The following MTREX variants were observed in gnomAD, a reference collection of about 807,000 sequenced individuals.
MTREX encodes exosome RNA helicase MTR4.
A neutral mutation model predicts 135.4 loss-of-function variants in MTREX; 76 were observed. That is an observed-to-expected ratio of 0.56 (90% confidence interval 0.47 to 0.68). MTREX has a LOEUF of 0.68. Among genes scored for constraint, MTREX ranks in the 30% least tolerant of loss-of-function variants. The pLI is 0.00. For synonymous variants in MTREX, 404 were observed against 401.6 expected (o/e 1.01, Z -0.07); for missense variants, 920 against 1,262.1 (o/e 0.73, Z 4.11).
At chr5:55,382,633 T>G (rs1162380843) in intron 18 of MTREX, among the ~76,000 whole-genome samples, 2 of 152,120 alleles carry the variant, frequency 1.3e-5, no homozygotes, top group African/African-American at 4.8e-5. Flanking sequence ...TTTTTTTTTG[T>G]TTTTTTGTTT....
chr5:55,362,525 T>C (rs1387566325), intron 15 of MTREX, among the ~76,000 whole-genome samples: 1 of 152,018 alleles, frequency 6.6e-6, no homozygotes, highest in Non-Finnish European at 1.5e-5. Context: ...CATGCCCAGC[T>C]AATTTTTGTA....
At chr5:55,382,667 C>T (rs776809804) in intron 18 of MTREX, among the ~76,000 whole-genome samples, 1 of 151,596 alleles carries the variant, frequency 6.6e-6, no homozygotes, top group African/African-American at 2.4e-5. Flanking sequence ...CTCACTCTGT[C>T]GCCCAGGCAG....
At chr5:55,344,499 T>C (rs1447727418) in intron 8 of MTREX, 23 bp from the exon 9 acceptor site, 2 of 1,474,706 alleles carry the variant, frequency 1.4e-6, no homozygotes, top group South Asian at 1.1e-5. Context: ...AAATTTTGTA[T>C]GTTTAATTCT....
intron 18 of MTREX, among the ~76,000 whole-genome samples, chr5:55,382,750 A>C (rs1317711562): frequency 6.6e-6 from 1 of 152,124 alleles, no homozygotes; most frequent in African/African-American, 2.4e-5. Context: ...CTCCTGCCTC[A>C]GCCTCCCAAG....
At chr5:55,392,514 G>C (rs1430165961) in intron 19 of MTREX, among the ~76,000 whole-genome samples, 1 of 141,760 alleles carries the variant, frequency 7.1e-6, no homozygotes, top group Non-Finnish European at 1.5e-5. Context: ...CTTCACTTCA[G>C]CCTGGGTGAC....
chr5:55,417,986 A>G (rs918897660), intron 25 of MTREX, among the ~76,000 whole-genome samples: 10 of 151,748 alleles, frequency 6.6e-5, no homozygotes, highest in Non-Finnish European at 8.8e-5. Context: ...GGTAATCCCA[A>G]CACTTTGGGA....
intron 18 of MTREX, among the ~76,000 whole-genome samples, chr5:55,385,685 A>T (rs1429852203): frequency 6.6e-6 from 1 of 152,068 alleles, no homozygotes; most frequent in Admixed American, 6.6e-5. Context: ...AGAAAATTTA[A>T]ATGATTGGTT....
At chr5:55,342,067 G>A (rs1749658391) in intron 7 of MTREX, among the ~76,000 whole-genome samples, 1 of 152,002 alleles carries the variant, frequency 6.6e-6, no homozygotes, top group Non-Finnish European at 1.5e-5. Flanking sequence ...CACCATGTCT[G>A]GCTAATTTTT....
At chr5:55,423,176 C>T (rs1016660796) in intron 26 of MTREX, 194 bp downstream of exon 26, 10 of 566,792 alleles carry the variant, frequency 1.8e-5, no homozygotes, top group Non-Finnish European at 3.1e-5. Flanking sequence ...CATGCATTTA[C>T]GTATATTAAT....
chr5:55,400,124 A>T, intron 20 of MTREX, 109 bp from the exon 21 acceptor site: 1 of 724,074 alleles, frequency 1.4e-6, no homozygotes, highest in Non-Finnish European at 2.2e-6. Context: ...TTATATATGT[A>T]GTATACTTTT....
chr5:55,400,051 A>G (rs230793), intron 20 of MTREX, among the ~76,000 whole-genome samples, 182 bp from the exon 21 acceptor site: 132,470 of 152,136 alleles, frequency 0.87, 57,922 homozygotes, highest in South Asian at 0.92. Flanking sequence ...GCGTTGAAAA[A>G]GAGTTTTCAA....
intron 14 of MTREX, among the ~76,000 whole-genome samples, chr5:55,357,790 T>C (rs1224370213): frequency 6.6e-6 from 1 of 152,196 alleles, no homozygotes; most frequent in Non-Finnish European, 1.5e-5. Flanking sequence ...AAAAACTTTG[T>C]CCAGTGTTGA....
chr5:55,414,537 A>G (rs964806407), intron 24 of MTREX, among the ~76,000 whole-genome samples: 2 of 152,200 alleles, frequency 1.3e-5, no homozygotes, highest in African/African-American at 4.8e-5. Context: ...AGCTCAGTGC[A>G]TGTGTCATTT....
chr5:55,373,452 G>A (rs901509546), intron 16 of MTREX, among the ~76,000 whole-genome samples: 3 of 152,018 alleles, frequency 2.0e-5, no homozygotes, highest in African/African-American at 7.2e-5. Flanking sequence ...CTTATAGGAA[G>A]GAAACAAAAA....
intron 21 of MTREX, among the ~76,000 whole-genome samples, chr5:55,402,649 A>G (rs1469709739): frequency 6.6e-6 from 1 of 152,194 alleles, no homozygotes; most frequent in Admixed American, 6.5e-5. Flanking sequence ...ATTACTATTT[A>G]GCAAAAATAT....
chr5:55,315,843 C>T (rs1749189761), intron 1 of MTREX, among the ~76,000 whole-genome samples: 1 of 145,264 alleles, frequency 6.9e-6, no homozygotes, highest in Admixed American at 6.9e-5. Flanking sequence ...CTGGATGATA[C>T]AGCTGGGACC....
At chr5:55,319,266 A>G (rs1320033331) in intron 1 of MTREX, among the ~76,000 whole-genome samples, 1 of 152,198 alleles carries the variant, frequency 6.6e-6, no homozygotes, top group African/African-American at 2.4e-5. Context: ...ACTTATCCAG[A>G]TTTTGCCAAT....
At position 55,378,418 on chromosome 5, in the gene MTREX, G is replaced by C. The variant is rs942147039; in HGVS notation, c.1915G>C (p.Glu639Gln). ...ACAGCAGCTTGCCAAATTGGGTAAA[G>C]AAATTGAAGAATATATTCACAAACC... Reference protein sequence around the residue: ...IRQQLAKLGKEIEEYIHKPKY... With the variant: ...IRQQLAKLGKQIEEYIHKPKY... The change falls in exon 17 of 27, where the codon GAA (glutamate) becomes CAA (glutamine). Residue 639 changes from glutamate (E) to glutamine (Q), a missense_variant. Around this residue, in one of 6 missense-constraint regions of MTREX, gnomAD observed 467 missense variants for 589.7 expected, o/e 0.79. Transcript: ENST00000230640. 1.2e-6 allele frequency: 2 copies of C among 1,612,178 alleles called. No homozygotes were observed. The highest frequency in any genetic ancestry group is 1.7e-6 in the Non-Finnish European group (2 of 1,179,476).
At chr5:55,409,039 C>T (rs192965309) in intron 22 of MTREX, among the ~76,000 whole-genome samples, 39 of 152,046 alleles carry the variant, frequency 2.6e-4, no homozygotes, top group African/African-American at 9.4e-4. Context: ...GCAGTCTTGA[C>T]CTCCTGGGCT....
Sources: gnomAD v4.1 joint callset for allele counts (sites outside exome capture counted in the v4.1 genomes callset) on GRCh38, gnomAD v4.1.1 for gene constraint, gnomAD v4.1.1 regional missense constraint, MANE v1.5 for transcripts, NCBI Gene and HGNC (gene_info 2026-07-23, HGNC 2026-07-21) for gene names.